GRID2: variants seen among roughly 807,000 people sequenced by gnomAD.
The protein encoded by GRID2 is glutamate receptor ionotropic, delta-2.
A neutral mutation model predicts 114.8 loss-of-function variants in GRID2; 33 were observed. The observed-to-expected ratio is 0.29, with a 90% CI of 0.22 to 0.38. The LOEUF (loss-of-function observed/expected upper bound fraction) is 0.38, where lower values mean the gene tolerates loss of function less well. Among genes scored for constraint, GRID2 ranks in the 10% least tolerant of loss-of-function variants. GRID2 has a pLI of 1.00. For missense variants in GRID2, 1,184 were observed against 1,257.7 expected, an observed-to-expected ratio of 0.94 and a Z score of 0.89; for synonymous variants, 505 against 449.9, an observed-to-expected ratio of 1.12 and a Z score of -1.55.
chr4:92,941,367 T>C (rs1290530203), intron 2 of GRID2, among the ~76,000 whole-genome samples: 1 of 152,200 alleles, frequency 6.6e-6, no homozygotes, highest in Non-Finnish European at 1.5e-5. Flanking sequence ...GAGGTGTTTA[T>C]AGTATTCTCT....
At chr4:93,055,064 T>G (rs957713355) in intron 2 of GRID2, among the ~76,000 whole-genome samples, 1 of 151,948 alleles carries the variant, frequency 6.6e-6, no homozygotes, top group African/African-American at 2.4e-5. Flanking sequence ...GAAAAACAGA[T>G]ATAACCTTCT....
chr4:93,329,492 C>T (rs1358719878), intron 8 of GRID2, among the ~76,000 whole-genome samples: 1 of 151,940 alleles, frequency 6.6e-6, no homozygotes, highest in Admixed American at 6.6e-5. Flanking sequence ...TTAGGTCATG[C>T]TATCATGAAA....
chr4:93,239,043 C>G (rs996611310), intron 8 of GRID2, among the ~76,000 whole-genome samples: 4 of 150,300 alleles, frequency 2.7e-5, no homozygotes. Flanking sequence ...AATACTGGGA[C>G]AATAACTTTC....
At chr4:93,421,163 C>T (rs528621554) in intron 9 of GRID2, among the ~76,000 whole-genome samples, 5 of 152,024 alleles carry the variant, frequency 3.3e-5, no homozygotes, top group African/African-American at 4.8e-5. Context: ...GAGCACCAGC[C>T]ATTGTATGTT....
At chr4:92,941,570 C>G (rs1027361482) in intron 2 of GRID2, among the ~76,000 whole-genome samples, 2 of 152,120 alleles carry the variant, frequency 1.3e-5, no homozygotes, top group Non-Finnish European at 2.9e-5. Flanking sequence ...CTATTTCCTT[C>G]AGTTCTGCTC....
At position 92,931,791 on chromosome 4, in the gene GRID2, A is replaced by G. The variant is rs548919437; in HGVS notation, c.245-153204A>G. On this transcript the variant is annotated intron_variant, in intron 2 of 15. Coordinates refer to ENST00000282020, the MANE Select transcript of GRID2 (RefSeq NM_001510.4). ...ATTGCCGTAAGAATATTTCAGCAAA[A>G]CATAATGAGTAGAGATATTTATCCA... 4.0e-5 allele frequency among the ~76,000 whole-genome samples: 6 copies of G among 151,304 alleles called. No individual in the cohort carries two copies. In the South Asian group the frequency reaches 1.2e-3, roughly 31 times the overall value.
At chr4:92,760,175 G>A (rs1325544721) in intron 2 of GRID2, among the ~76,000 whole-genome samples, 5 of 146,710 alleles carry the variant, frequency 3.4e-5, no homozygotes, top group Admixed American at 1.4e-4. Context: ...GGAGGCAGAG[G>A]CTGCAGTGAC....
intron 4 of GRID2, 151 bp from the exon 5 acceptor site, chr4:93,207,253 G>A (rs1287473602): frequency 6.0e-6 from 4 of 669,800 alleles, no homozygotes; most frequent in African/African-American, 3.6e-5. Context: ...CATCTACAGT[G>A]TTTTGCTAAT....
intron 1 of GRID2, among the ~76,000 whole-genome samples, chr4:92,442,035 G>A (rs1016550271): frequency 9.9e-5 from 15 of 151,692 alleles, no homozygotes; most frequent in Non-Finnish European, 1.9e-4. Context: ...AAGAGGTTTA[G>A]AAGCCTGGCC....
intron 4 of GRID2, among the ~76,000 whole-genome samples, chr4:93,126,524 C>T (rs1734273315): frequency 6.6e-6 from 1 of 151,340 alleles, no homozygotes; most frequent in Non-Finnish European, 1.5e-5. Flanking sequence ...TAATACCTAC[C>T]CCAGCTGTGG....
At position 93,110,949 on chromosome 4, in the gene GRID2, C is replaced by A. The variant is rs376815343; in HGVS notation, c.731C>A (p.Thr244Asn). 11 of 1,598,338 alleles carry A rather than the reference C, an allele frequency of 6.9e-6. No homozygotes were observed. The highest frequency in any genetic ancestry group is 1.3e-5 in the African/African-American group (1 of 74,600). Residue 244 changes from threonine (T) to asparagine (N), a missense_variant, in exon 4 of 16, where the codon ACT (threonine) becomes AAT (asparagine). Transcript: ENST00000282020. ...MNPATAKSFITEVVETNLVAF... is the reference protein window; with the variant it reads ...MNPATAKSFINEVVETNLVAF... ...CCTGCTACAGCCAAATCCTTCATTA[C>A]TGAGGTAAGTGAAAATTGTCTTGGG...
chr4:92,305,542 C>A (rs1351689973), intron 1 of GRID2, among the ~76,000 whole-genome samples: 1 of 152,154 alleles, frequency 6.6e-6, no homozygotes, highest in African/African-American at 2.4e-5. Context: ...CGCCTCGCCT[C>A]GCAGTCAACT....
chr4:92,996,037 C>A (rs569871999), intron 2 of GRID2, among the ~76,000 whole-genome samples: 57 of 151,858 alleles, frequency 3.8e-4, no homozygotes, highest in Middle Eastern at 3.4e-3. Flanking sequence ...TGCCTGTAAT[C>A]CCAGCACTTT....
intron 1 of GRID2, among the ~76,000 whole-genome samples, chr4:93,789,884 C>T (rs1053210783): frequency 6.6e-6 from 1 of 152,132 alleles, no homozygotes; most frequent in Non-Finnish European, 1.5e-5. Flanking sequence ...GGCTGCACAG[C>T]AAGAAGTGAA....
At chr4:92,390,594 G>A (rs1396729789) in intron 1 of GRID2, among the ~76,000 whole-genome samples, 2 of 152,032 alleles carry the variant, frequency 1.3e-5, no homozygotes, top group Non-Finnish European at 2.9e-5. Flanking sequence ...TTTTGAGTAG[G>A]AAAGTTTTCT....
intron 15 of GRID2, among the ~76,000 whole-genome samples, chr4:93,771,869 A>G (rs1323591208): frequency 1.3e-5 from 2 of 152,226 alleles, no homozygotes; most frequent in Non-Finnish European, 2.9e-5. Flanking sequence ...TGCAAGAAAA[A>G]TATTTATTGT....
intron 14 of GRID2, among the ~76,000 whole-genome samples, chr4:93,712,229 A>C (rs765369798): frequency 6.6e-6 from 1 of 151,740 alleles, no homozygotes; most frequent in Non-Finnish European, 1.5e-5. Context: ...TATCTTATAT[A>C]TTTTTCTCCA....
At chr4:93,107,637 C>A (rs1314507227) in intron 3 of GRID2, among the ~76,000 whole-genome samples, 1 of 152,002 alleles carries the variant, frequency 6.6e-6, no homozygotes, top group Non-Finnish European at 1.5e-5. Flanking sequence ...TTCCCAGGTT[C>A]AAGCGATTTT....
intron 1 of GRID2, among the ~76,000 whole-genome samples, chr4:92,369,258 A>G (rs2110215045): frequency 6.6e-6 from 1 of 152,226 alleles, no homozygotes; most frequent in East Asian, 1.9e-4. Context: ...TTCCCCTCAT[A>G]CATGTCCCCT....
Sources: gnomAD v4.1 joint callset for allele counts (sites outside exome capture counted in the v4.1 genomes callset) on GRCh38, gnomAD v4.1.1 for gene constraint, MANE v1.5 for transcripts, NCBI Gene and HGNC (gene_info 2026-07-23, HGNC 2026-07-21) for gene names.